The following NSD1 variants were observed in gnomAD, a reference collection of about 807,000 sequenced individuals.
The protein encoded by NSD1 is histone-lysine N-methyltransferase, H3 lysine-36 specific.
Under a neutral mutation model 242.7 loss-of-function variants are expected in NSD1, and 26 were observed. That is an observed-to-expected ratio of 0.11 (90% CI 0.08 to 0.15). The LOEUF is 0.15. Ranked by LOEUF, NSD1 falls within the 10% of genes least tolerant of loss-of-function variation. The probability of loss-of-function intolerance (pLI) is 1.00; values close to 1 mark genes in which losing one functional copy is unlikely to be tolerated. For synonymous variants in NSD1, 1,106 were observed against 1,178.1 expected, an observed-to-expected ratio of 0.94 and a Z score of 1.25; for missense variants, 2,495 against 3,272.8, an observed-to-expected ratio of 0.76 and a Z score of 5.80.
At chr5:177,216,215 T>C (rs1204073497) in intron 5 of NSD1, among the ~76,000 whole-genome samples, 2 of 152,228 alleles carry the variant, frequency 1.3e-5, no homozygotes, top group South Asian at 2.1e-4. Context: ...ATAAGAGTTA[T>C]TCATATATCC....
Position 177,273,763 on chromosome 5 carries a change from A to G in NSD1, c.5601A>G (p.Pro1867=), listed in dbSNP as rs748209066. 2 of 1,613,114 alleles carry G rather than the reference A, an allele frequency of 1.2e-6. No individual in the cohort carries two copies. Among genetic ancestry groups the G allele is most frequent in the Admixed American group, 3.3e-5 (2 of 60,002 alleles). The change falls in exon 17 of 23, where the codon CCA becomes CCG. Residue 1867 remains proline (P), a synonymous_variant. Coordinates refer to ENST00000439151, the MANE Select transcript of NSD1 (RefSeq NM_022455.5). ...LQEDRKNDKK[P]PPYKHIKVNR... is the part of the protein sequence containing the mutation. ...AAGACCGAAAGAATGACAAGAAGCC[A>G]CCACCTTATAAACATATAAAGGTGA...
chr5:177,259,636 A>C (rs975692144), intron 13 of NSD1, among the ~76,000 whole-genome samples: 3 of 152,182 alleles, frequency 2.0e-5, no homozygotes, highest in Admixed American at 1.3e-4. Context: ...GTTCACTTGA[A>C]AGGCTTTAAA....
At chr5:177,201,025 C>T (rs2149832809) in intron 3 of NSD1, among the ~76,000 whole-genome samples, 1 of 151,116 alleles carries the variant, frequency 6.6e-6, no homozygotes, top group South Asian at 2.1e-4. Flanking sequence ...GTTGGGATTA[C>T]AGGTGCATAC....
rs1273730160 is a variant in NSD1 at position 177,269,077 on chromosome 5, C to T, written c.5304-525C>T. Among the ~76,000 whole-genome samples the T allele has an allele frequency of 2.6e-5, 4 of 152,110 alleles. No homozygotes were observed. The highest frequency in any genetic ancestry group is 9.7e-5 in the African/African-American group (4 of 41,420). On this transcript the variant is annotated intron_variant, in intron 15 of 22. Transcript: ENST00000439151. The surrounding 1 kb of genome is among the most constrained non-coding windows in gnomAD (Gnocchi z 5.1). ...GCTTTAATAGGTAGTGCCAAATTGTCTCCCTAAAGTGGCTGTATAGTAATT... is the reference window on the plus strand; with the variant it reads ...GCTTTAATAGGTAGTGCCAAATTGTTTCCCTAAAGTGGCTGTATAGTAATT...
chr5:177,265,852 G>A (rs1757392605), intron 14 of NSD1: 2 of 1,440,658 alleles, frequency 1.4e-6, no homozygotes, highest in Non-Finnish European at 2.0e-6. Flanking sequence ...GGGTGTGCAC[G>A]TAGTCATTCT....
intron 5 of NSD1, among the ~76,000 whole-genome samples, chr5:177,225,468 G>T (rs1241197036): frequency 6.6e-6 from 1 of 152,080 alleles, no homozygotes; most frequent in Admixed American, 6.6e-5. Flanking sequence ...TGCTTTCAGA[G>T]TATACTGGCC....
At chr5:177,166,155 T>C (rs976976093) in intron 2 of NSD1, among the ~76,000 whole-genome samples, 2 of 151,404 alleles carry the variant, frequency 1.3e-5, no homozygotes, top group African/African-American at 2.4e-5. Flanking sequence ...CCTCATGATA[T>C]GCCCACCTTG....
chr5:177,211,911 G>A lies in NSD1; in HGVS notation c.3512G>A (p.Arg1171His), dbSNP rs111638717. Residue 1171 changes from arginine (R) to histidine (H), a missense_variant, in exon 5 of 23, where the codon CGT becomes CAT. Arg to His is a conservative substitution (Grantham distance 29). Transcript: ENST00000439151. Reference protein sequence around the residue: ...QRLNQRRTKPRKRMNRFKEKE... With the variant: ...QRLNQRRTKPHKRMNRFKEKE... ...TTAAACCAAAGGCGCACTAAACCTC[G>A]TAAGCGCATGAACAGATTTAAAGAG... 1.4e-5 allele frequency: 23 copies of A among 1,608,270 alleles called. No individual in the cohort carries two copies. In the South Asian group the frequency reaches 1.8e-4, roughly 12 times the overall value.
At chr5:177,162,528 TG>T (rs1758844350) in intron 2 of NSD1, among the ~76,000 whole-genome samples, 1 of 152,114 alleles carries the variant, frequency 6.6e-6, no homozygotes, top group Non-Finnish European at 1.5e-5. Flanking sequence ...CATGAGTAGT[TG>T]GAACCACAGG....
chr5:177,215,741 C>T (rs1763720735), intron 5 of NSD1, among the ~76,000 whole-genome samples: 1 of 152,104 alleles, frequency 6.6e-6, no homozygotes, highest in Non-Finnish European at 1.5e-5. Flanking sequence ...GATCCTCCTG[C>T]TTCGGCCTCC....
At chr5:177,225,012 A>G (rs942982501) in intron 5 of NSD1, among the ~76,000 whole-genome samples, 1 of 152,026 alleles carries the variant, frequency 6.6e-6, no homozygotes, top group African/African-American at 2.4e-5. Context: ...CTACTTGGTC[A>G]TGTTGTGTAA....
At chr5:177,158,329 T>A (rs1411549741) in intron 2 of NSD1, among the ~76,000 whole-genome samples, 1 of 140,636 alleles carries the variant, frequency 7.1e-6, no homozygotes, top group African/African-American at 2.7e-5. Flanking sequence ...CTTTTCTTTC[T>A]TTTCTTTCTT....
chr5:177,253,063 G>A (rs760308341), intron 12 of NSD1, among the ~76,000 whole-genome samples: 4 of 152,038 alleles, frequency 2.6e-5, no homozygotes, highest in Non-Finnish European at 5.9e-5. Context: ...TATCTGTAGG[G>A]GCAGATGCAG....
At chr5:177,256,831 G>A in intron 12 of NSD1, 120 bp from the exon 13 acceptor site, 1 of 788,218 alleles carries the variant, frequency 1.3e-6, no homozygotes, top group Non-Finnish European at 2.2e-6. Flanking sequence ...GTTACAGTGG[G>A]TTCAGACGAT....
chr5:177,272,840 T>A (rs1286761739), intron 16 of NSD1, among the ~76,000 whole-genome samples: 1 of 151,988 alleles, frequency 6.6e-6, no homozygotes, highest in Non-Finnish European at 1.5e-5. Context: ...CTGTGATTGC[T>A]CCATTGCACT....
rs1763178859 is a variant in NSD1 at position 177,209,699 on chromosome 5, C to T, written c.1300C>T (p.Pro434Ser). 2 of 1,613,868 alleles carry T rather than the reference C, an allele frequency of 1.2e-6. No homozygotes were observed. Among genetic ancestry groups the T allele is most frequent in the Non-Finnish European group, 1.7e-6 (2 of 1,179,886 alleles). The stretch of plus-strand genomic sequence containing the variant: ...TGGACTTGCAGAACAGTATGATGTT[C>T]CCAAGGGGTCAAAGAACCGAAAATG... ...SVGLAEQYDV[P>S]KGSKNRKCIP... Residue 434 changes from proline to serine, a missense_variant, in exon 5 of 23, where the codon CCC becomes TCC. Physicochemically the swap from Pro to Ser is moderately conservative, Grantham distance 74. This residue lies in a region of NSD1 where 515 missense variants were observed against 467.0 expected (regional missense o/e 1.10). Transcript: ENST00000439151.
In NSD1 at chr5:177,295,307, C is replaced by G; in HGVS notation, c.7939C>G (p.Gln2647Glu). The G allele has an allele frequency of 6.2e-7, 1 of 1,613,902 alleles. No homozygotes were observed. Among genetic ancestry groups the G allele is most frequent in the Non-Finnish European group, 8.5e-7 (1 of 1,180,036 alleles). ...CATAGTGGCTGGACAGACACTGGCA[C>G]AGTCTTGCTGGTCTGCTGGGAGCAC... The part of the protein sequence containing the change: ...WPIVAGQTLA[Q>E]SCWSAGSTQT... The change falls in exon 23 of 23, where the codon CAG (glutamine) becomes GAG (glutamate). Residue 2647 changes from glutamine (Q) to glutamate (E), a missense_variant. By Grantham distance (29) the Gln-to-Glu change is conservative. Transcript: ENST00000439151. This position sits in a 1 kb window ranked among gnomAD's most constrained non-coding sequence, Gnocchi z 4.3.
chr5:177,246,649 A>G (rs370283260), intron 9 of NSD1, 29 bp from the exon 10 acceptor site: 20 of 1,460,920 alleles, frequency 1.4e-5, no homozygotes, highest in Non-Finnish European at 1.8e-5. Context: ...GTTAGTAGCC[A>G]GCAGTTAACA....
At chr5:177,189,055 C>G (rs971722665) in intron 2 of NSD1, among the ~76,000 whole-genome samples, 1 of 151,970 alleles carries the variant, frequency 6.6e-6, no homozygotes, top group South Asian at 2.1e-4. Flanking sequence ...AAAAAACACA[C>G]AAAAAACCAA....
Sources: allele counts gnomAD v4.1 joint callset (sites outside exome capture counted in the v4.1 genomes callset), GRCh38; gene constraint gnomAD v4.1.1; regional missense constraint gnomAD v4.1.1; non-coding constraint Gnocchi (gnomAD v3.1); transcripts MANE v1.5; gene names NCBI Gene and HGNC (gene_info 2026-07-23, HGNC 2026-07-21).